Variants in GLDC observed in about 807,000 individuals in gnomAD.
GLDC encodes the protein glycine decarboxylase, also known as glycine dehydrogenase (decarboxylating), mitochondrial.
GLDC carries 104 observed loss-of-function variants against 121.3 expected under a neutral mutation model. The ratio of observed to expected loss-of-function variants is 0.86; its 90% confidence interval spans 0.73 to 1.01. The LOEUF (loss-of-function observed/expected upper bound fraction) is 1.01. Among genes scored for constraint, GLDC ranks in the 50% least tolerant of loss-of-function variants. The pLI, the probability that GLDC is intolerant of heterozygous loss-of-function variation, is 0.00. For missense variants in GLDC, 1,429 were observed against 1,306.6 expected, an observed-to-expected ratio of 1.09 and a Z score of -1.44; for synonymous variants, 546 against 480.6, an observed-to-expected ratio of 1.14 and a Z score of -1.78.
chr9:6,621,715 A>G (rs1819098764), intron 2 of GLDC, among the ~76,000 whole-genome samples: 1 of 152,088 alleles, frequency 6.6e-6, no homozygotes, highest in African/African-American at 2.4e-5. Context: ...ATGGGGTTTC[A>G]CCATATTGGC....
rs761064507 is a variant in GLDC at position 6,589,222 on chromosome 9, G to A, written c.1553C>T (p.Pro518Leu). Residue 518 changes from proline (P) to leucine (L), a missense_variant, in exon 12 of 25, where the codon CCG (proline) becomes CTG (leucine). Pro to Leu is a moderately conservative substitution (Grantham distance 98). Transcript: ENST00000321612. ...GTTGAACACTTGATGGGTGAGGAAC[G>A]GGCTGGTCCTCTTGAACACAGACCC... ...IPGSVFKRTS[P>L]FLTHQVFNSY... 71 of 1,604,918 alleles carry A rather than the reference G, an allele frequency of 4.4e-5. No individual in the cohort carries two copies. The highest frequency in any genetic ancestry group is 3.3e-4 in the Middle Eastern group (2 of 6,066).
rs1455451802 is a variant in GLDC, at chr9:6,590,104, G to A, written c.1483-812C>T. On this transcript the variant is annotated intron_variant, in intron 11 of 24. Coordinates refer to ENST00000321612, the MANE Select transcript of GLDC (RefSeq NM_000170.3). ...GCTAATCTGCATAACCTTGGATCTG[G>A]CAATGGTTTCTTAAATGTGACACCA... is the stretch of plus-strand genomic sequence containing the variant. Among the ~76,000 whole-genome samples the A allele has an allele frequency of 5.3e-5, 8 of 151,686 alleles. No homozygotes were observed. In the East Asian group the frequency reaches 1.5e-3, roughly 29 times the overall value.
chr9:6,597,536 G>A (rs1038955513), intron 8 of GLDC, among the ~76,000 whole-genome samples: 1 of 151,538 alleles, frequency 6.6e-6, no homozygotes, highest in East Asian at 1.9e-4. Context: ...ATCAATACTA[G>A]CCTGGGCAAC....
rs149860035 is a variant in GLDC, at chr9:6,536,370, G to C, written c.2666-134C>G. 9,916 of 817,934 alleles carry C rather than the reference G, an allele frequency of 0.012. 100 individuals carry two copies. Among genetic ancestry groups the C allele is most frequent in the Middle Eastern group, 0.023 (90 of 3,908 alleles). 50.7% of individuals were successfully genotyped at this position (817,934 alleles called of 1,614,324 possible). On this transcript the variant is annotated intron_variant, in intron 22 of 24. Transcript: ENST00000321612. ...TACATTTGCAAATGTATGTATGTGG[G>C]GACTCATCTCAGTGCTGTTCATAGA...
Position 6,620,258 on chromosome 9 carries a change from C to T in GLDC, c.396G>A (p.Ser132=), listed in dbSNP as rs542613459. 3.1e-6 allele frequency: 5 copies of T among 1,612,976 alleles called. No individual in the cohort carries two copies. The highest frequency in any genetic ancestry group is 2.2e-5 in the East Asian group (1 of 44,880). ...AGTTATAATAGCCCATGCCAATATA[C>T]GATCTCCAGATCTGGTTTTTGCTTG... The part of the protein sequence containing the change: ...AISSKNQIWR[S]YIGMGYYNCS... Residue 132 remains serine (S), a synonymous_variant, in exon 3 of 25, where the codon TCG becomes TCA. Coordinates refer to ENST00000321612, the MANE Select transcript of GLDC (RefSeq NM_000170.3).
chr9:6,636,738 G>A (rs1819509736), intron 2 of GLDC, among the ~76,000 whole-genome samples: 5 of 152,154 alleles, frequency 3.3e-5, no homozygotes, highest in African/African-American at 9.6e-5. Context: ...TCACACCACT[G>A]CACTCCAGCC....
chr9:6,611,368 T>A (rs553555813), intron 3 of GLDC, among the ~76,000 whole-genome samples: 168 of 152,210 alleles, frequency 1.1e-3, no homozygotes, highest in Non-Finnish European at 2.0e-3. Flanking sequence ...CCATCCTGGC[T>A]AACATGGTGA....
chr9:6,618,282 C>T lies in GLDC; in HGVS notation c.470+1902G>A, dbSNP rs568343350. Among the ~76,000 whole-genome samples the T allele has an allele frequency of 3.3e-5, 5 of 152,256 alleles. No homozygotes were observed. In the East Asian group the frequency reaches 9.6e-4, roughly 29 times the overall value. On this transcript the variant is annotated intron_variant, in intron 3 of 24. Coordinates refer to ENST00000321612, the MANE Select transcript of GLDC (RefSeq NM_000170.3). ...TGGGAAAAAAGAGCCTAGGAGTCCC[C>T]ACCTTTCCTCCTCCACAGTTAGACA...
chr9:6,578,461 T>C (rs1021689675), intron 15 of GLDC, among the ~76,000 whole-genome samples: 2 of 152,184 alleles, frequency 1.3e-5, no homozygotes, highest in Admixed American at 6.5e-5. Flanking sequence ...TAAACTTTCC[T>C]GTTAGCACTG....
chr9:6,592,344 G>A (rs1818391436), intron 10 of GLDC, 121 bp from the exon 11 acceptor site: 3 of 731,236 alleles, frequency 4.1e-6, no homozygotes, highest in African/African-American at 1.7e-5. Flanking sequence ...AAAATATCAG[G>A]GTACAATTAT....
chr9:6,550,125 G>C (rs1456570494), intron 21 of GLDC, among the ~76,000 whole-genome samples: 1 of 152,202 alleles, frequency 6.6e-6, no homozygotes, highest in African/African-American at 2.4e-5. Context: ...GCTCCAGCAA[G>C]AAGGCGCTGT....
At chr9:6,560,261 T>C (rs1007336760) in intron 16 of GLDC, among the ~76,000 whole-genome samples, 4 of 152,180 alleles carry the variant, frequency 2.6e-5, no homozygotes, top group South Asian at 2.1e-4. Flanking sequence ...TTATTGAAAA[T>C]AGGCTATGAA....
At chr9:6,583,131 G>A (rs181021051) in intron 15 of GLDC, among the ~76,000 whole-genome samples, 34 of 152,182 alleles carry the variant, frequency 2.2e-4, no homozygotes, top group Middle Eastern at 3.4e-3. Flanking sequence ...GTTAAATGGT[G>A]CAACCCCTGC....
intron 15 of GLDC, among the ~76,000 whole-genome samples, chr9:6,583,641 A>G (rs909732978): frequency 6.6e-6 from 1 of 152,188 alleles, no homozygotes; most frequent in African/African-American, 2.4e-5. Flanking sequence ...CTGCTACTGC[A>G]CTCCAGCCTG....
Position 6,534,764 on chromosome 9 carries a change from C to G in GLDC, c.2863G>C (p.Val955Leu). 6.2e-7 allele frequency: 1 copy of G among 1,605,750 alleles called. No homozygotes were observed. Among genetic ancestry groups the G allele is most frequent in the Non-Finnish European group, 8.5e-7 (1 of 1,172,486 alleles). The change falls in exon 24 of 25, where the codon GTT becomes CTT. Residue 955 changes from valine (V) to leucine (L), a missense_variant. Val to Leu is a conservative substitution (Grantham distance 32, BLOSUM62 1). Transcript: ENST00000321612. ...LKMSPHSLTCVTSSHWDRPYS... is the reference protein window; with the variant it reads ...LKMSPHSLTCLTSSHWDRPYS... ...GGCCGGTCCCAGTGGGAAGATGTAACGCAGGTCAGGGAGTGTGGAGACATC... is the reference window on the plus strand; with the variant it reads ...GGCCGGTCCCAGTGGGAAGATGTAAGGCAGGTCAGGGAGTGTGGAGACATC...
chr9:6,588,816 G>T, intron 12 of GLDC, 114 bp from the exon 13 acceptor site: 1 of 754,044 alleles, frequency 1.3e-6, no homozygotes, highest in Non-Finnish European at 2.4e-6. Flanking sequence ...ATCAATTTTG[G>T]CCACGGACAA....
At chr9:6,580,753 C>G (rs1000867504) in intron 15 of GLDC, among the ~76,000 whole-genome samples, 1 of 152,228 alleles carries the variant, frequency 6.6e-6, no homozygotes, top group Non-Finnish European at 1.5e-5. Flanking sequence ...TGCTCCATAA[C>G]ACTTCCTGAT....
intron 4 of GLDC, among the ~76,000 whole-genome samples, chr9:6,608,717 GC>G (rs1297353946): frequency 6.6e-6 from 1 of 152,062 alleles, no homozygotes; most frequent in Non-Finnish European, 1.5e-5. Context: ...CTGTACTCCA[GC>G]CCGGGCGAAA....
At chr9:6,566,210 T>C (rs1396680036) in intron 15 of GLDC, among the ~76,000 whole-genome samples, 4 of 152,174 alleles carry the variant, frequency 2.6e-5, no homozygotes, top group African/African-American at 9.7e-5. Flanking sequence ...GCCACTGCAC[T>C]CCAACCTGGG....
Sources: gnomAD v4.1 joint callset for allele counts (sites outside exome capture counted in the v4.1 genomes callset) on GRCh38, gnomAD v4.1.1 for gene constraint, MANE v1.5 for transcripts, NCBI Gene and HGNC (gene_info 2026-07-23, HGNC 2026-07-21) for gene names.